Variants in TENM4 observed in about 807,000 individuals in gnomAD.
The protein encoded by TENM4 is teneurin-4.
A neutral mutation model predicts 243.3 loss-of-function variants in TENM4; 82 were observed. The observed-to-expected ratio is 0.34, with a 90% CI of 0.28 to 0.40. The LOEUF is 0.40. Among genes scored for constraint, TENM4 ranks in the 10% least tolerant of loss-of-function variants. The probability of loss-of-function intolerance (pLI) is 1.00; values close to 1 mark genes in which losing one functional copy is unlikely to be tolerated. For missense variants in TENM4, 3,138 were observed against 3,673.3 expected, an observed-to-expected ratio of 0.85 and a Z score of 3.77; for synonymous variants, 1,412 against 1,456.3, an observed-to-expected ratio of 0.97 and a Z score of 0.69.
At chr11:78,916,384 T>C (rs1280614126) in intron 6 of TENM4, among the ~76,000 whole-genome samples, 2 of 152,194 alleles carry the variant, frequency 1.3e-5, no homozygotes, top group South Asian at 2.1e-4. Context: ...AATTAATTTT[T>C]CCTTATGCTA....
intron 6 of TENM4, among the ~76,000 whole-genome samples, chr11:78,912,052 G>T (rs1158305630): frequency 6.6e-6 from 1 of 152,162 alleles, no homozygotes; most frequent in African/African-American, 2.4e-5. Flanking sequence ...AGGGGAGCAA[G>T]AGGGCATTCT....
intron 6 of TENM4, among the ~76,000 whole-genome samples, chr11:79,051,496 G>A (rs1859790157): frequency 6.6e-6 from 1 of 152,168 alleles, no homozygotes; most frequent in East Asian, 1.9e-4. Flanking sequence ...ATTCACTCAA[G>A]TAGTTCTATA....
At chr11:79,402,492 T>C (rs1858482842) in intron 1 of TENM4, among the ~76,000 whole-genome samples, 1 of 152,204 alleles carries the variant, frequency 6.6e-6, no homozygotes, top group Admixed American at 6.5e-5. Context: ...TTCTTATGTG[T>C]GGTTTCCCAT....
In TENM4 at chr11:78,715,905, G is replaced by A. The variant is rs79077111; in HGVS notation, c.3822-3191C>T. On this transcript the variant is annotated intron_variant, in intron 25 of 33. Coordinates refer to ENST00000278550, the MANE Select transcript of TENM4 (RefSeq NM_001098816.3). ...CATCTAGACTCCACCAGGCTGCAGC[G>A]CCACCTGTCTGCAGAACAGAGCTGC... 5.1e-4 allele frequency among the ~76,000 whole-genome samples: 78 copies of A among 152,264 alleles called. No individual in the cohort carries two copies. The East Asian group carries it at 0.015, about 29-fold the overall frequency.
chr11:79,238,295 C>G (rs756561891), intron 2 of TENM4, among the ~76,000 whole-genome samples: 1 of 152,096 alleles, frequency 6.6e-6, no homozygotes, highest in Non-Finnish European at 1.5e-5. Flanking sequence ...GCCCAGATAT[C>G]TGGTTAAACA....
intron 4 of TENM4, among the ~76,000 whole-genome samples, chr11:79,111,072 G>T (rs1354170255): frequency 1.3e-5 from 2 of 152,078 alleles, no homozygotes; most frequent in Non-Finnish European, 2.9e-5. Flanking sequence ...CATGGGGGTG[G>T]ATTCCCCCAT....
At chr11:79,245,447 T>C (rs1365418879) in intron 2 of TENM4, among the ~76,000 whole-genome samples, 1 of 152,176 alleles carries the variant, frequency 6.6e-6, no homozygotes, top group Non-Finnish European at 1.5e-5. Context: ...AAAGTGAGCA[T>C]ATCATCCCTG....
chr11:78,998,522 C>A (rs1165654467), intron 6 of TENM4, among the ~76,000 whole-genome samples: 2 of 151,950 alleles, frequency 1.3e-5, no homozygotes, highest in Non-Finnish European at 2.9e-5. Context: ...TGGAAATTGA[C>A]AAAAGGCATA....
chr11:79,414,569 G>T (rs577587721), intron 1 of TENM4, among the ~76,000 whole-genome samples: 15 of 152,336 alleles, frequency 9.8e-5, no homozygotes, highest in African/African-American at 3.4e-4. Flanking sequence ...TTCTGTGCCA[G>T]TCTTCTGGAA....
rs76603903 is a variant in TENM4, at chr11:79,026,060, G to A, written c.493+38678C>T. ...TTCTCTGTGCTCCAACGAGGGCAAC[G>A]ATGTCAGTGATCACAGCATGTGTGA... On this transcript the variant is annotated intron_variant, in intron 6 of 33. Transcript: ENST00000278550. 8.3e-3 allele frequency among the ~76,000 whole-genome samples: 1,270 copies of A among 152,266 alleles called. 10 individuals are homozygous for A. Among genetic ancestry groups the A allele is most frequent in the African/African-American group, 0.028 (1,184 of 41,556 alleles).
At chr11:78,997,948 G>T (rs1262817610) in intron 6 of TENM4, among the ~76,000 whole-genome samples, 2 of 152,032 alleles carry the variant, frequency 1.3e-5, no homozygotes, top group African/African-American at 4.8e-5. Context: ...CTCTTTCCTT[G>T]GTGTATATAC....
intron 19 of TENM4, among the ~76,000 whole-genome samples, chr11:78,744,676 C>T (rs1184413492): frequency 1.3e-5 from 2 of 152,238 alleles, no homozygotes; most frequent in Non-Finnish European, 2.9e-5. Context: ...CACGCCCTTT[C>T]TGTAAACATT....
At chr11:78,824,345 C>T (rs1157072804) in intron 12 of TENM4, among the ~76,000 whole-genome samples, 1 of 152,016 alleles carries the variant, frequency 6.6e-6, no homozygotes, top group African/African-American at 2.4e-5. Flanking sequence ...AGCACAAAAG[C>T]GAGTGGGGGT....
At chr11:79,339,393 T>G (rs149745213) in intron 1 of TENM4, among the ~76,000 whole-genome samples, 2 of 152,346 alleles carry the variant, frequency 1.3e-5, no homozygotes, top group African/African-American at 2.4e-5. Context: ...AAGTGCTGTG[T>G]CTTTGAAAAG....
At chr11:79,367,870 G>A (rs1180008740) in intron 1 of TENM4, among the ~76,000 whole-genome samples, 1 of 152,182 alleles carries the variant, frequency 6.6e-6, no homozygotes, top group African/African-American at 2.4e-5. Context: ...TTTTGGCAGG[G>A]TGGTGGGGTC....
chr11:79,039,542 C>T (rs1859466967), intron 6 of TENM4, among the ~76,000 whole-genome samples: 1 of 152,190 alleles, frequency 6.6e-6, no homozygotes, highest in African/African-American at 2.4e-5. Flanking sequence ...ACATGGTCCC[C>T]AGTAGAACTC....
chr11:79,404,761 G>A (rs1026286487), intron 1 of TENM4, among the ~76,000 whole-genome samples: 4 of 152,124 alleles, frequency 2.6e-5, no homozygotes, highest in Non-Finnish European at 4.4e-5. Context: ...ATTAAGATAA[G>A]AGTTAGTTAT....
intron 9 of TENM4, among the ~76,000 whole-genome samples, chr11:78,878,796 C>A (rs979185329): frequency 2.6e-5 from 4 of 152,168 alleles, no homozygotes; most frequent in Admixed American, 2.6e-4. Context: ...GGGGAATACA[C>A]CCTTTCTAAA....
intron 4 of TENM4, among the ~76,000 whole-genome samples, chr11:79,119,913 T>TGA (rs1357113241): frequency 6.6e-6 from 1 of 152,218 alleles, no homozygotes; most frequent in East Asian, 1.9e-4. Flanking sequence ...CCAGGCTGTC[T>TGA]ATATCCCAGA....
Sources: allele counts gnomAD v4.1 joint callset (sites outside exome capture counted in the v4.1 genomes callset), GRCh38; gene constraint gnomAD v4.1.1; transcripts MANE v1.5; gene names NCBI Gene and HGNC (gene_info 2026-07-23, HGNC 2026-07-21).